The following FOXK2 variants were observed in gnomAD, a reference collection of about 807,000 sequenced individuals.
FOXK2 encodes the protein forkhead box K2.
A neutral mutation model predicts 53.3 loss-of-function variants in FOXK2; 24 were observed. The observed-to-expected ratio is 0.45, with a 90% CI of 0.33 to 0.63. The LOEUF (loss-of-function observed/expected upper bound fraction) is 0.63, where lower values mean the gene tolerates loss of function less well. Among genes scored for constraint, FOXK2 ranks in the 30% least tolerant of loss-of-function variants. FOXK2 has a pLI of 0.03. For missense variants in FOXK2, 952 were observed against 910.5 expected (o/e 1.05, Z -0.59); for synonymous variants, 505 against 407.1 (o/e 1.24, Z -2.89).
At chr17:82,560,001 C>CTT (rs10583366) in intron 1 of FOXK2, among the ~76,000 whole-genome samples, 65 of 97,562 alleles carry the variant, frequency 6.7e-4, no homozygotes, top group Admixed American at 9.6e-4. Context: ...TCTGGATAGA[C>CTT]TTTTTTTTTT....
chr17:82,574,656 C>T (rs7215465), intron 4 of FOXK2, among the ~76,000 whole-genome samples: 67,082 of 151,980 alleles, frequency 0.44, 14,967 homozygotes, highest in South Asian at 0.56. Flanking sequence ...TCAGCTGTAC[C>T]CTTGGCTGTC....
intron 4 of FOXK2, among the ~76,000 whole-genome samples, chr17:82,582,349 G>A (rs777707008): frequency 3.3e-5 from 5 of 152,176 alleles, no homozygotes; most frequent in Non-Finnish European, 7.3e-5. Context: ...GGCCCGTTCT[G>A]CCACAGAGTG....
At chr17:82,595,630 C>G (rs1433327932) in intron 8 of FOXK2, among the ~76,000 whole-genome samples, 1 of 152,168 alleles carries the variant, frequency 6.6e-6, no homozygotes, top group Non-Finnish European at 1.5e-5. Flanking sequence ...CTGGAGAGGA[C>G]AGAGTGCTAT....
intron 8 of FOXK2, among the ~76,000 whole-genome samples, chr17:82,588,903 A>C (rs958255687): frequency 1.3e-5 from 2 of 150,846 alleles, no homozygotes; most frequent in Non-Finnish European, 3.0e-5. Flanking sequence ...AAAAAAAAAA[A>C]AACAAATTAG....
chr17:82,533,769 C>T (rs979298652), intron 1 of FOXK2, among the ~76,000 whole-genome samples: 1 of 151,932 alleles, frequency 6.6e-6, no homozygotes, highest in Non-Finnish European at 1.5e-5. Context: ...TTTTGTTAGC[C>T]GGGCATGGTG....
In FOXK2 at chr17:82,585,833, G is replaced by A. The variant is rs1342920577; in HGVS notation, c.1280-71G>A. 5 of 1,487,044 alleles carry A rather than the reference G, an allele frequency of 3.4e-6. No individual in the cohort carries two copies. The Admixed American group carries it at 7.1e-5, about 21-fold the overall frequency. The allele number at this position is 1,487,044 out of a possible 1,614,324, so 92.1% of individuals were successfully genotyped here. ...TAAAGTTTGTATGTTGCTTGTCAGTGCTGAGTGTGAGAACCTTTGTTTGTA... is the reference window on the plus strand; with the variant it reads ...TAAAGTTTGTATGTTGCTTGTCAGTACTGAGTGTGAGAACCTTTGTTTGTA... On this transcript the variant is annotated intron_variant, in intron 6 of 8. Transcript: ENST00000335255.
chr17:82,547,870 A>G (rs991318055), intron 1 of FOXK2, among the ~76,000 whole-genome samples: 1 of 152,200 alleles, frequency 6.6e-6, no homozygotes. Flanking sequence ...TAAACATGGA[A>G]TCATGTAGAA....
At chr17:82,558,291 T>C (rs80306399) in intron 1 of FOXK2, among the ~76,000 whole-genome samples, 25,394 of 152,064 alleles carry the variant, frequency 0.17, 2,619 homozygotes, top group East Asian at 0.39. Context: ...TGAGCTGTGA[T>C]TGCGTTGCTG....
rs371191802 is a variant in FOXK2 at position 82,586,206 on chromosome 17, C to T, written c.1576+6C>T. ...AGACCACAGGGAAGTCAAAGGTAGG[C>T]GGAGGGGAAAGGAGGAGAGGGGAGA... On this transcript the variant is annotated splice_donor_region_variant and intron_variant, in intron 7 of 8. Coordinates refer to ENST00000335255, the MANE Select transcript of FOXK2 (RefSeq NM_004514.4). The T allele has an allele frequency of 4.7e-4, 699 of 1,493,952 alleles. 5 individuals carry two copies. The highest frequency in any genetic ancestry group is 1.2e-3 in the South Asian group (96 of 78,256). The allele number at this position is 1,493,952 out of a possible 1,614,324, so 92.5% of individuals were successfully genotyped here.
intron 7 of FOXK2, among the ~76,000 whole-genome samples, 198 bp downstream of exon 7, chr17:82,586,398 G>A (rs112325053): frequency 3.4e-3 from 397 of 115,822 alleles, no homozygotes; most frequent in East Asian, 0.012. Flanking sequence ...GGTGAAAGGT[G>A]GGCGGGGGGG....
At chr17:82,568,527 C>G (rs974197243) in intron 3 of FOXK2, among the ~76,000 whole-genome samples, 16 of 152,200 alleles carry the variant, frequency 1.1e-4, no homozygotes, top group African/African-American at 3.6e-4. Flanking sequence ...AGTTTATCCC[C>G]TTGTCCCAAA....
chr17:82,560,246 G>A (rs1241030259), intron 1 of FOXK2, among the ~76,000 whole-genome samples: 1 of 152,120 alleles, frequency 6.6e-6, no homozygotes, highest in African/African-American at 2.4e-5. Context: ...CTGACCTCAT[G>A]ATCTGCCTGC....
At chr17:82,576,911 G>A (rs2044993701) in intron 4 of FOXK2, 4 of 429,754 alleles carry the variant, frequency 9.3e-6, no homozygotes, top group South Asian at 4.9e-5. Flanking sequence ...TGTAATCCCA[G>A]CACTTTGGGA....
chr17:82,586,436 G>A (rs911287050), intron 7 of FOXK2, among the ~76,000 whole-genome samples: 9 of 99,434 alleles, frequency 9.1e-5, no homozygotes, highest in East Asian at 8.2e-4. Flanking sequence ...ACCACAGGGA[G>A]GTCAAAGGTG....
chr17:82,520,278 C>T lies in FOXK2; in HGVS notation c.390C>T (p.Arg130=). Reference sequence around the variant, plus strand: ...TCGTGGACGGCGTGTTCCAGAGGCGCGGGGCGCCGCCGCTGCAGCTGCCGC... The same window carrying T: ...TCGTGGACGGCGTGTTCCAGAGGCGTGGGGCGCCGCCGCTGCAGCTGCCGC... ...GVFVDGVFQR[R]GAPPLQLPRV... The change falls in exon 1 of 9, where the codon CGC becomes CGT. Residue 130 remains arginine, a synonymous_variant. Transcript: ENST00000335255. 4 of 1,263,452 alleles carry T rather than the reference C, an allele frequency of 3.2e-6. No homozygotes were observed. The highest frequency in any genetic ancestry group is 4.0e-6 in the Non-Finnish European group (4 of 999,466). The allele number at this position is 1,263,452 out of a possible 1,614,324, so 78.3% of individuals were successfully genotyped here.
intron 1 of FOXK2, among the ~76,000 whole-genome samples, chr17:82,558,775 AG>A (rs150795538): frequency 0.18 from 27,245 of 150,664 alleles, 2,755 homozygotes; most frequent in Non-Finnish European, 0.23. Context: ...TTTTTTTTTG[AG>A]AGCTCTGTCG....
At chr17:82,562,693 T>A (rs2044809869) in intron 1 of FOXK2, among the ~76,000 whole-genome samples, 1 of 152,098 alleles carries the variant, frequency 6.6e-6, no homozygotes, top group African/African-American at 2.4e-5. Flanking sequence ...AAATAGACAC[T>A]GGGTGGTATT....
intron 8 of FOXK2, chr17:82,593,783 A>G (rs2045280753): frequency 6.6e-6 from 1 of 152,298 alleles, no homozygotes; most frequent in South Asian, 2.1e-4. Flanking sequence ...AGCTGGTCCC[A>G]CAGTGACGAT....
intron 1 of FOXK2, among the ~76,000 whole-genome samples, chr17:82,536,944 TGTCA>T (rs1161513498): frequency 3.9e-5 from 6 of 152,380 alleles, no homozygotes; most frequent in Admixed American, 2.6e-4. Context: ...GAGTGCCTTG[TGTCA>T]GTCAGACTCC....
Sources: allele counts gnomAD v4.1 joint callset (sites outside exome capture counted in the v4.1 genomes callset), GRCh38; gene constraint gnomAD v4.1.1; transcripts MANE v1.5; gene names NCBI Gene and HGNC (gene_info 2026-07-23, HGNC 2026-07-21).